The following COMMD10 variants were observed in gnomAD, a reference collection of about 807,000 sequenced individuals.
The protein encoded by COMMD10 is COMM domain-containing protein 10.
A neutral mutation model predicts 28.9 loss-of-function variants in COMMD10; 33 were observed. That is an observed-to-expected ratio of 1.14 (90% CI 0.87 to 1.53). The LOEUF is 1.53. Among genes scored for constraint, COMMD10 ranks in the 40% most tolerant of loss-of-function variants. The probability of loss-of-function intolerance (pLI) is 0.00; values close to 1 mark genes in which losing one functional copy is unlikely to be tolerated. For synonymous variants in COMMD10, 110 were observed against 81.7 expected (o/e 1.35, Z -1.87); for missense variants, 310 against 233.4 (o/e 1.33, Z -2.14).
intron 3 of COMMD10, 87 bp downstream of exon 3, chr5:116,091,276 T>A (rs1037182473): frequency 1.6e-5 from 10 of 606,912 alleles, no homozygotes; most frequent in African/African-American, 1.3e-4. Flanking sequence ...CTGTTTTTTT[T>A]AATTAAAAAG....
chr5:116,227,982 A>G (rs575974223), intron 5 of COMMD10, among the ~76,000 whole-genome samples: 1 of 152,078 alleles, frequency 6.6e-6, no homozygotes, highest in Non-Finnish European at 1.5e-5. Context: ...AGAGAATAAA[A>G]TGTCATCAGA....
At chr5:116,208,951 C>A (rs919858441) in intron 5 of COMMD10, among the ~76,000 whole-genome samples, 2 of 152,050 alleles carry the variant, frequency 1.3e-5, no homozygotes, top group East Asian at 1.9e-4. Flanking sequence ...TTGGGAAAAT[C>A]TTTTGTTGTG....
Position 116,292,589 on chromosome 5 carries a change from T to G in COMMD10, c.*100T>G. On this transcript the variant is annotated 3_prime_UTR_variant, in exon 7 of 7. Coordinates refer to ENST00000274458, the MANE Select transcript of COMMD10 (RefSeq NM_016144.4). ...GTGTTTTCTGAAGGATTCAGTGACT[T>G]GCTTTCTGTAAATTATATGGCTTAT... 1 of 941,512 alleles carries G rather than the reference T, an allele frequency of 1.1e-6. No individual in the cohort carries two copies. The highest frequency in any genetic ancestry group is 1.6e-6 in the Non-Finnish European group (1 of 621,606). The allele number at this position is 941,512 out of a possible 1,614,324, so 58.3% of individuals were successfully genotyped here.
intron 5 of COMMD10, among the ~76,000 whole-genome samples, chr5:116,230,487 A>G (rs1215633580): frequency 6.6e-6 from 1 of 151,978 alleles, no homozygotes; most frequent in African/African-American, 2.4e-5. Context: ...TACCTCATAG[A>G]TTTCTAATAA....
intron 5 of COMMD10, among the ~76,000 whole-genome samples, chr5:116,225,484 T>G (rs1002682020): frequency 6.6e-6 from 1 of 151,552 alleles, no homozygotes; most frequent in Non-Finnish European, 1.5e-5. Context: ...TAGTAGGCAA[T>G]TAACTTCCTT....
At chr5:116,101,375 C>T (rs1216639344) in intron 4 of COMMD10, among the ~76,000 whole-genome samples, 2 of 151,752 alleles carry the variant, frequency 1.3e-5, no homozygotes, top group Admixed American at 6.6e-5. Flanking sequence ...TCTCTTTTCT[C>T]CACATCCTTG....
chr5:116,127,672 A>G (rs1043495563), intron 4 of COMMD10, among the ~76,000 whole-genome samples: 1 of 152,194 alleles, frequency 6.6e-6, no homozygotes, highest in African/African-American at 2.4e-5. Context: ...AAATTATCGC[A>G]AGGACAGAAA....
intron 5 of COMMD10, among the ~76,000 whole-genome samples, chr5:116,205,010 C>G (rs929100382): frequency 2.0e-5 from 3 of 152,092 alleles, no homozygotes; most frequent in Non-Finnish European, 4.4e-5. Context: ...AACTTGCCAT[C>G]TCTGTTAGAT....
chr5:116,291,242 A>T (rs1375112799), intron 5 of COMMD10, among the ~76,000 whole-genome samples: 1 of 152,212 alleles, frequency 6.6e-6, no homozygotes, highest in African/African-American at 2.4e-5. Flanking sequence ...TGAAAAAATT[A>T]GATAATAAAG....
At chr5:116,291,951 C>T (rs1000796621) in intron 6 of COMMD10, among the ~76,000 whole-genome samples, 1 of 152,010 alleles carries the variant, frequency 6.6e-6, no homozygotes, top group Middle Eastern at 3.4e-3. Flanking sequence ...GAGTATATTT[C>T]ATGTCTCTTT....
At chr5:116,192,139 A>G (rs1212018789) in intron 5 of COMMD10, among the ~76,000 whole-genome samples, 1 of 152,074 alleles carries the variant, frequency 6.6e-6, no homozygotes, top group South Asian at 2.1e-4. Flanking sequence ...GGAACACCCC[A>G]TGGGACAAAA....
At chr5:116,218,438 A>G (rs1351412359) in intron 5 of COMMD10, 12 of 369,094 alleles carry the variant, frequency 3.3e-5, no homozygotes, top group Non-Finnish European at 5.6e-5. Context: ...TTCTTTATAA[A>G]TATTGACTAT....
At chr5:116,145,329 C>T (rs1300276626) in intron 5 of COMMD10, among the ~76,000 whole-genome samples, 2 of 151,764 alleles carry the variant, frequency 1.3e-5, no homozygotes, top group African/African-American at 4.8e-5. Context: ...TAGTTTTCTT[C>T]ATCTATTTTT....
At chr5:116,274,465 A>G (rs539625879) in intron 5 of COMMD10, among the ~76,000 whole-genome samples, 2 of 151,832 alleles carry the variant, frequency 1.3e-5, no homozygotes, top group East Asian at 1.9e-4. Flanking sequence ...AGTAGGTCAG[A>G]TTTTTCCCAA....
At chr5:116,277,216 A>G (rs1182028446) in intron 5 of COMMD10, among the ~76,000 whole-genome samples, 1 of 151,882 alleles carries the variant, frequency 6.6e-6, no homozygotes, top group Non-Finnish European at 1.5e-5. Context: ...TTTCAAACAT[A>G]AAATAAAACC....
At chr5:116,158,803 T>TG (rs1176021092) in intron 5 of COMMD10, among the ~76,000 whole-genome samples, 2 of 151,974 alleles carry the variant, frequency 1.3e-5, no homozygotes, top group Non-Finnish European at 2.9e-5. Context: ...ATCTAAAACT[T>TG]TAAGAATTAA....
intron 4 of COMMD10, among the ~76,000 whole-genome samples, chr5:116,100,266 T>G (rs1750614392): frequency 6.6e-6 from 1 of 152,190 alleles, no homozygotes; most frequent in African/African-American, 2.4e-5. Flanking sequence ...TTGTTAAGTT[T>G]CCTTTGTTGT....
chr5:116,126,659 A>G (rs182453699), intron 4 of COMMD10, among the ~76,000 whole-genome samples: 1 of 152,018 alleles, frequency 6.6e-6, no homozygotes, highest in African/African-American at 2.4e-5. Context: ...AACCTGACAA[A>G]AACAAGAAAT....
chr5:116,269,649 C>G (rs1366336835), intron 5 of COMMD10, among the ~76,000 whole-genome samples: 3 of 151,622 alleles, frequency 2.0e-5, no homozygotes, highest in Non-Finnish European at 2.9e-5. Flanking sequence ...CATACTGATT[C>G]ATCTCAAATA....
Sources: gnomAD v4.1 joint callset for allele counts (sites outside exome capture counted in the v4.1 genomes callset) on GRCh38, gnomAD v4.1.1 for gene constraint, MANE v1.5 for transcripts, NCBI Gene and HGNC (gene_info 2026-07-23, HGNC 2026-07-21) for gene names.